DLG1: variants seen among roughly 807,000 people sequenced by gnomAD.
DLG1 encodes discs large MAGUK scaffold protein 1, also known as disks large homolog 1.
DLG1 carries 42 observed loss-of-function variants against 123.4 expected under a neutral mutation model. That is an observed-to-expected ratio of 0.34 (90% confidence interval 0.27 to 0.44). The LOEUF is 0.44. Among genes scored for constraint, DLG1 ranks in the 20% least tolerant of loss-of-function variants. The pLI is 1.00. For synonymous variants in DLG1, 317 were observed against 356.2 expected, an observed-to-expected ratio of 0.89 and a Z score of 1.24; for missense variants, 942 against 1,082.6, an observed-to-expected ratio of 0.87 and a Z score of 1.82.
intron 19 of DLG1, among the ~76,000 whole-genome samples, chr3:197,067,192 ATATTT>A (rs1454567118): frequency 6.6e-6 from 1 of 152,064 alleles, no homozygotes; most frequent in Non-Finnish European, 1.5e-5. Flanking sequence ...TGAATACAGT[ATATTT>A]TATTTTTAAA....
At chr3:197,052,739 G>C (rs1004228653) in intron 23 of DLG1, among the ~76,000 whole-genome samples, 5 of 152,076 alleles carry the variant, frequency 3.3e-5, no homozygotes, top group African/African-American at 1.2e-4. Flanking sequence ...ATACAGTCTG[G>C]GGAAACATCT....
intron 4 of DLG1, among the ~76,000 whole-genome samples, chr3:197,277,236 CTCTAG>C (rs964603421): frequency 5.3e-5 from 8 of 151,436 alleles, no homozygotes; most frequent in Admixed American, 5.3e-4. Context: ...ACCTTTGAAT[CTCTAG>C]TCTAGTTGAA....
chr3:197,255,330 G>GT lies in DLG1; in HGVS notation c.318+27348dup, dbSNP rs200837876. Among the ~76,000 whole-genome samples, 978 of 152,234 alleles carry GT rather than the reference G, an allele frequency of 6.4e-3. 14 individuals are homozygous for GT. Among genetic ancestry groups the GT allele is most frequent in the Non-Finnish European group, 6.7e-3 (459 of 68,022 alleles). On this transcript the variant is annotated intron_variant, in intron 4 of 24. Coordinates refer to ENST00000667157, the MANE Select transcript of DLG1 (RefSeq NM_001366207.1). Reference sequence around the variant, plus strand: ...AAAACCTGTTTGATTTAGTCAAAACGTAGGTTGCCTTAATCACAGTGCTTA... The same window carrying GT: ...AAAACCTGTTTGATTTAGTCAAAACGTTAGGTTGCCTTAATCACAGTGCTTA...
chr3:197,297,162 C>A (rs772451665), intron 2 of DLG1, 24 bp downstream of exon 2: 2 of 1,613,608 alleles, frequency 1.2e-6, no homozygotes, highest in African/African-American at 2.7e-5. Context: ...ACATCGACAA[C>A]AGAGTTACGG....
chr3:197,144,465 C>G (rs1789659140), intron 6 of DLG1, among the ~76,000 whole-genome samples: 1 of 152,140 alleles, frequency 6.6e-6, no homozygotes, highest in South Asian at 2.1e-4. Flanking sequence ...TGCCCTAACC[C>G]ACACCATGTA....
chr3:197,288,743 A>AAAAACATAAATAC (rs1553827364), intron 3 of DLG1, among the ~76,000 whole-genome samples: 1 of 72,078 alleles, frequency 1.4e-5, no homozygotes, highest in Non-Finnish European at 2.4e-5. Flanking sequence ...AAAAAAAAAA[A>AAAAACATAAATAC]ATACATACAT....
At chr3:197,290,553 A>G (rs1207452276) in intron 3 of DLG1, among the ~76,000 whole-genome samples, 3 of 152,178 alleles carry the variant, frequency 2.0e-5, no homozygotes, top group Non-Finnish European at 4.4e-5. Context: ...CAGGAATACA[A>G]AACCTGAATC....
chr3:197,297,696 G>A, intron 1 of DLG1: 3 of 989,054 alleles, frequency 3.0e-6, no homozygotes, highest in Non-Finnish European at 2.4e-6. Flanking sequence ...CGCTGCCTCC[G>A]GGCTGCTCCA....
Position 197,282,863 on chromosome 3 carries a change from A to C in DLG1, c.152-18T>G. ...TTGAATATCTAGAAGAAGGAAAATA[A>C]AAATTCATAAGTATTTATATTTTCT... On this transcript the variant is annotated intron_variant, in intron 3 of 24. Coordinates refer to ENST00000667157, the MANE Select transcript of DLG1 (RefSeq NM_001366207.1). 7.1e-7 allele frequency: 1 copy of C among 1,410,712 alleles called. No homozygotes were observed. The highest frequency in any genetic ancestry group is 9.7e-7 in the Non-Finnish European group (1 of 1,027,926). 87.4% of individuals were successfully genotyped at this position (1,410,712 alleles called of 1,614,324 possible).
intron 4 of DLG1, among the ~76,000 whole-genome samples, chr3:197,201,786 C>G (rs554301798): frequency 6.6e-6 from 1 of 152,064 alleles, no homozygotes; most frequent in Non-Finnish European, 1.5e-5. Context: ...CAATAAAATA[C>G]TAATATCATT....
At chr3:197,070,678 T>C (rs1194615211) in intron 18 of DLG1, 1 of 151,018 alleles carries the variant, frequency 6.6e-6, no homozygotes, top group Non-Finnish European at 1.5e-5. Context: ...AGCGATTCTA[T>C]TCTTGTGTCT....
intron 5 of DLG1, among the ~76,000 whole-genome samples, chr3:197,180,379 T>C (rs1809565831): frequency 6.6e-6 from 1 of 152,160 alleles, no homozygotes; most frequent in South Asian, 2.1e-4. Context: ...GGGCCGATTA[T>C]TGAGTGACCC....
chr3:197,090,935 G>T lies in DLG1; in HGVS notation c.1638C>A (p.Ser546Arg), dbSNP rs747785538. The T allele has an allele frequency of 6.2e-7, 1 of 1,609,678 alleles. No homozygotes were observed. Among genetic ancestry groups the T allele is most frequent in the East Asian group, 2.2e-5 (1 of 44,744 alleles). ...ACCTGACATAGAGGGATCGCTTCTG[G>T]CTAGTTCGAAGAGAACCTGACCCTG... Reference protein sequence around the residue: ...ISSGSGSLRTSQKRSLYVRAL... With the variant: ...ISSGSGSLRTRQKRSLYVRAL... Residue 546 changes from serine to arginine, a missense_variant, in exon 15 of 25, where the codon AGC becomes AGA. By Grantham distance (110) the Ser-to-Arg change is moderately radical. Coordinates refer to ENST00000667157, the MANE Select transcript of DLG1 (RefSeq NM_001366207.1).
rs776924302 is a variant in DLG1, at chr3:197,194,559, G to A, written c.349C>T (p.Pro117Ser). The A allele has an allele frequency of 9.4e-6, 15 of 1,603,434 alleles. No individual in the cohort carries two copies. In the South Asian group the frequency reaches 1.6e-4, roughly 17 times the overall value. Residue 117 changes from proline (P) to serine (S), a missense_variant, in exon 5 of 25, where the codon CCT (proline) becomes TCT (serine). Coordinates refer to ENST00000667157, the MANE Select transcript of DLG1 (RefSeq NM_001366207.1). ...ATTTGTGGGGAAATATGCTCTTGAGGAGGTGTATCTTCATCCTGATACCTG... is the reference window on the plus strand; with the variant it reads ...ATTTGTGGGGAAATATGCTCTTGAGAAGGTGTATCTTCATCCTGATACCTG... ...KYRYQDEDTP[P>S]QEHISPQITN...
intron 16 of DLG1, among the ~76,000 whole-genome samples, chr3:197,084,350 C>T (rs193020938): frequency 1.1e-4 from 16 of 150,582 alleles, no homozygotes; most frequent in African/African-American, 2.4e-4. Flanking sequence ...CTTGCTCTGT[C>T]GCCGAGGCTG....
intron 23 of DLG1, among the ~76,000 whole-genome samples, chr3:197,053,161 G>C (rs1369285460): frequency 1.3e-5 from 2 of 152,138 alleles, no homozygotes; most frequent in African/African-American, 4.8e-5. Flanking sequence ...TGGATGATGA[G>C]TATAGAGTTC....
At position 197,130,674 on chromosome 3, in the gene DLG1, A is replaced by T; in HGVS notation, c.1021-3T>A. 6.3e-7 allele frequency: 1 copy of T among 1,578,334 alleles called. No homozygotes were observed. The highest frequency in any genetic ancestry group is 8.6e-7 in the Non-Finnish European group (1 of 1,163,712). ...TCTTCTAAACATACGTTATTCACCT[A>T]AAAAAAGTCCCAAAAGACATTTATG... On this transcript the variant is annotated splice_polypyrimidine_tract_variant and splice_region_variant and intron_variant, in intron 10 of 24. Transcript: ENST00000667157.
intron 14 of DLG1, among the ~76,000 whole-genome samples, chr3:197,095,471 T>C (rs933496279): frequency 2.0e-5 from 3 of 152,178 alleles, no homozygotes; most frequent in East Asian, 1.9e-4. Flanking sequence ...TCAATTGTTT[T>C]GTAGAATCTC....
intron 4 of DLG1, among the ~76,000 whole-genome samples, chr3:197,274,495 TACGAC>T (rs567690670): frequency 3.4e-4 from 50 of 148,164 alleles, no homozygotes; most frequent in African/African-American, 2.7e-4. Context: ...AAAGATACAA[TACGAC>T]ACGACACGAC....
Sources: allele counts gnomAD v4.1 joint callset (sites outside exome capture counted in the v4.1 genomes callset), GRCh38; gene constraint gnomAD v4.1.1; transcripts MANE v1.5; gene names NCBI Gene and HGNC (gene_info 2026-07-23, HGNC 2026-07-21).